The following DOCK9 variants were observed in gnomAD, a reference collection of about 807,000 sequenced individuals.
DOCK9 encodes the protein dedicator of cytokinesis protein 9.
A neutral mutation model predicts 263.3 loss-of-function variants in DOCK9; 89 were observed. The ratio of observed to expected loss-of-function variants is 0.34; its 90% confidence interval spans 0.28 to 0.40. The LOEUF (loss-of-function observed/expected upper bound fraction) is 0.40, where lower values mean the gene tolerates loss of function less well. Among genes scored for constraint, DOCK9 ranks in the 10% least tolerant of loss-of-function variants. DOCK9 has a pLI of 1.00. For missense variants in DOCK9, 2,140 were observed against 2,603.4 expected (o/e 0.82, Z 3.87); for synonymous variants, 976 against 973.1 (o/e 1.00, Z -0.06).
intron 1 of DOCK9, among the ~76,000 whole-genome samples, chr13:99,065,485 T>C (rs9517582): frequency 0.53 from 79,996 of 151,824 alleles, 21,336 homozygotes; most frequent in South Asian, 0.68. Context: ...TGGCCTTGTC[T>C]GCCTTCCTCA....
chr13:98,995,912 T>C (rs1434561755), intron 1 of DOCK9, among the ~76,000 whole-genome samples: 1 of 152,150 alleles, frequency 6.6e-6, no homozygotes, highest in Non-Finnish European at 1.5e-5. Context: ...GTTTGCCCTC[T>C]TTGAGCAGCT....
chr13:98,997,881 G>C (rs531442862), intron 1 of DOCK9, among the ~76,000 whole-genome samples: 2 of 152,350 alleles, frequency 1.3e-5, no homozygotes, highest in Non-Finnish European at 2.9e-5. Flanking sequence ...TTCTGCCAAA[G>C]TGTGGCACTG....
chr13:98,870,386 TGC>T (rs1392172439), intron 27 of DOCK9, among the ~76,000 whole-genome samples: 1 of 152,228 alleles, frequency 6.6e-6, no homozygotes, highest in Non-Finnish European at 1.5e-5. Context: ...GTTGCATATG[TGC>T]CACCAATAAC....
chr13:99,035,916 C>T (rs1887823494), intron 1 of DOCK9, among the ~76,000 whole-genome samples: 1 of 152,072 alleles, frequency 6.6e-6, no homozygotes. Flanking sequence ...AGTTGAAGAC[C>T]TTAAGAAAAG....
intron 1 of DOCK9, among the ~76,000 whole-genome samples, chr13:99,012,285 C>A (rs1884627892): frequency 6.6e-6 from 1 of 152,134 alleles, no homozygotes; most frequent in Non-Finnish European, 1.5e-5. Context: ...AGATCAGAAA[C>A]AGAAATTCCA....
chr13:98,814,838 G>A (rs1346841880), intron 45 of DOCK9, among the ~76,000 whole-genome samples: 2 of 151,950 alleles, frequency 1.3e-5, no homozygotes, highest in Non-Finnish European at 2.9e-5. Flanking sequence ...GTACTTGGGA[G>A]GCTGAGGTGG....
rs539300262 is a variant in DOCK9, at chr13:98,916,799, A to G, written c.718-1296T>C. Reference sequence around the variant, plus strand: ...GTGGAGAAAAAAACATTAGGCCTCAATTCTAAATTTCTGTTTCTGAGCCTC... The same window carrying G: ...GTGGAGAAAAAAACATTAGGCCTCAGTTCTAAATTTCTGTTTCTGAGCCTC... On this transcript the variant is annotated intron_variant, in intron 7 of 52. Transcript: ENST00000682017. Among the ~76,000 whole-genome samples the G allele has an allele frequency of 4.1e-4, 63 of 152,324 alleles. 1 individual carries two copies. The South Asian group carries it at 0.011, about 27-fold the overall frequency.
chr13:98,950,167 C>A (rs554473795), intron 2 of DOCK9: 16 of 758,956 alleles, frequency 2.1e-5, no homozygotes, highest in Non-Finnish European at 3.3e-5. Context: ...ACCATTAATT[C>A]TTTGGATGCG....
At chr13:99,071,021 C>A (rs904841403) in intron 1 of DOCK9, among the ~76,000 whole-genome samples, 5 of 152,160 alleles carry the variant, frequency 3.3e-5, no homozygotes, top group Non-Finnish European at 7.3e-5. Flanking sequence ...GAGCTACCAA[C>A]CCCCTGCACA....
chr13:98,921,105 C>A lies in DOCK9; in HGVS notation c.583-17G>T. On this transcript the variant is annotated splice_polypyrimidine_tract_variant and intron_variant, in intron 6 of 52. Coordinates refer to ENST00000682017, the MANE Select transcript of DOCK9 (RefSeq NM_001366683.2). Reference sequence around the variant, plus strand: ...CTTAAATGACTGAGAGAAAAATATACACACAGCTATTCTTTCAAAATGAAG... The same window carrying A: ...CTTAAATGACTGAGAGAAAAATATAAACACAGCTATTCTTTCAAAATGAAG... 1 of 1,589,438 alleles carries A rather than the reference C, an allele frequency of 6.3e-7. No homozygotes were observed. Among genetic ancestry groups the A allele is most frequent in the Non-Finnish European group, 8.6e-7 (1 of 1,167,640 alleles).
intron 1 of DOCK9, among the ~76,000 whole-genome samples, chr13:99,061,690 C>A (rs998507944): frequency 3.3e-5 from 5 of 152,088 alleles, no homozygotes; most frequent in African/African-American, 1.2e-4. Context: ...CTCTCCCCAC[C>A]CCCACTGCTC....
At chr13:98,892,702 T>C (rs2046804158) in intron 15 of DOCK9, among the ~76,000 whole-genome samples, 2 of 152,178 alleles carry the variant, frequency 1.3e-5, no homozygotes, top group African/African-American at 2.4e-5. Context: ...CAGTAGACAC[T>C]GTAAGCTACT....
chr13:98,921,132 G>T, intron 6 of DOCK9, 44 bp from the exon 7 acceptor site: 1 of 1,558,812 alleles, frequency 6.4e-7, no homozygotes, highest in Non-Finnish European at 8.7e-7. Context: ...AAAATGAAGA[G>T]GGTCACAATC....
intron 2 of DOCK9, among the ~76,000 whole-genome samples, 175 bp from the exon 3 acceptor site, chr13:98,930,432 T>C (rs1402549796): frequency 6.6e-6 from 1 of 152,162 alleles, no homozygotes; most frequent in Non-Finnish European, 1.5e-5. Context: ...CTGGGCAGCC[T>C]CAAGTTCCAA....
At chr13:98,875,122 C>T (rs564423132) in intron 27 of DOCK9, among the ~76,000 whole-genome samples, 1 of 152,296 alleles carries the variant, frequency 6.6e-6, no homozygotes, top group East Asian at 1.9e-4. Context: ...CCTTCCTGCA[C>T]ACTGCTCTAA....
chr13:98,901,688 T>G (rs2048300008), intron 13 of DOCK9, 90 bp downstream of exon 13: 8 of 1,405,378 alleles, frequency 5.7e-6, no homozygotes, highest in Non-Finnish European at 6.7e-6. Flanking sequence ...ATATGGCTTA[T>G]GTTTGATTTC....
intron 3 of DOCK9, among the ~76,000 whole-genome samples, chr13:98,929,198 AAAC>A (rs1566994270): frequency 6.6e-6 from 1 of 152,220 alleles, no homozygotes; most frequent in African/African-American, 2.4e-5. Flanking sequence ...CTGGAGGAAA[AAAC>A]AAACACTCCA....
At chr13:98,974,915 G>A (rs1226151721) in intron 1 of DOCK9, among the ~76,000 whole-genome samples, 1 of 152,168 alleles carries the variant, frequency 6.6e-6, no homozygotes, top group Non-Finnish European at 1.5e-5. Context: ...AAGGGCAGGA[G>A]GGAACTTATG....
chr13:99,022,390 A>C (rs1284244052), intron 1 of DOCK9, among the ~76,000 whole-genome samples: 1 of 152,226 alleles, frequency 6.6e-6, no homozygotes, highest in Non-Finnish European at 1.5e-5. Context: ...AAATGTTCTC[A>C]AAAGTAGAGA....
Sources: allele counts gnomAD v4.1 joint callset (sites outside exome capture counted in the v4.1 genomes callset), GRCh38; gene constraint gnomAD v4.1.1; transcripts MANE v1.5; gene names NCBI Gene and HGNC (gene_info 2026-07-23, HGNC 2026-07-21).